Variants in SEPTIN11 observed in about 807,000 individuals in gnomAD.
The protein encoded by SEPTIN11 is septin-11.
In SEPTIN11, 25 loss-of-function variants were observed where a neutral mutation model predicts 51.4. That is an observed-to-expected ratio of 0.49 (90% CI 0.35 to 0.68). SEPTIN11 has a LOEUF of 0.68. Ranked by LOEUF, SEPTIN11 falls within the 30% of genes least tolerant of loss-of-function variation. The pLI, the probability that SEPTIN11 is intolerant of heterozygous loss-of-function variation, is 0.00. For synonymous variants in SEPTIN11, 174 were observed against 184.1 expected (o/e 0.95, Z 0.44); for missense variants, 381 against 520.8 (o/e 0.73, Z 2.61).
In SEPTIN11 at chr4:77,037,284, C is replaced by G. The variant is rs955895612; in HGVS notation, c.*2772C>G. The G allele has an allele frequency of 3.8e-5, 29 of 762,554 alleles. 1 individual carries two copies. The highest frequency in any genetic ancestry group is 4.6e-5 in the Non-Finnish European group (29 of 626,832). The allele number at this position is 762,554 out of a possible 1,614,324, so 47.2% of individuals were successfully genotyped here. A position where few individuals can be genotyped will look rare whatever the true frequency, so the allele number is the denominator to read the frequency against. On this transcript the variant is annotated 3_prime_UTR_variant, in exon 10 of 10. Coordinates refer to ENST00000264893, the MANE Select transcript of SEPTIN11 (RefSeq NM_018243.4). Reference sequence around the variant, plus strand: ...GGCTAAGTCAGGAGAATTGCTTGAACTTGGGAGATGGAGGTTGCAGTGAGC... The same window carrying G: ...GGCTAAGTCAGGAGAATTGCTTGAAGTTGGGAGATGGAGGTTGCAGTGAGC...
downstream of SEPTIN11, chr4:77,039,184 A>T (rs1727229047): frequency 2.4e-6 from 3 of 1,268,102 alleles, no homozygotes; most frequent in East Asian, 1.7e-4. Flanking sequence ...GAGTTACCTC[A>T]TTTCCACCAT....
chr4:77,012,678 A>G (rs1271700496), intron 4 of SEPTIN11, among the ~76,000 whole-genome samples: 1 of 152,186 alleles, frequency 6.6e-6, no homozygotes, highest in East Asian at 1.9e-4. Flanking sequence ...TGTTACTATG[A>G]TTTTATCTAA....
chr4:77,017,273 T>G (rs1725370109), intron 5 of SEPTIN11, among the ~76,000 whole-genome samples: 1 of 152,212 alleles, frequency 6.6e-6, no homozygotes, highest in African/African-American at 2.4e-5. Context: ...CTTTATCAGA[T>G]TAATAGAACT....
Position 77,037,833 on chromosome 4 carries a change from A to G in SEPTIN11, c.*3321A>G. ...TTTCTCCAAAAAGGGCATTTCAACAATGGGAATTATTTAATGTAACAGTGG... is the reference window on the plus strand; with the variant it reads ...TTTCTCCAAAAAGGGCATTTCAACAGTGGGAATTATTTAATGTAACAGTGG... On this transcript the variant is annotated 3_prime_UTR_variant, in exon 10 of 10. Transcript: ENST00000264893. 1 of 985,854 alleles carries G rather than the reference A, an allele frequency of 1.0e-6. No homozygotes were observed. The highest frequency in any genetic ancestry group is 1.2e-6 in the Non-Finnish European group (1 of 829,930). 61.1% of individuals were successfully genotyped at this position (985,854 alleles called of 1,614,324 possible). A position where few individuals can be genotyped will look rare whatever the true frequency, so the allele number is the denominator to read the frequency against.
At chr4:76,982,455 C>T (rs977082348) in intron 1 of SEPTIN11, among the ~76,000 whole-genome samples, 9 of 152,204 alleles carry the variant, frequency 5.9e-5, no homozygotes, top group African/African-American at 1.9e-4. Context: ...TAGTGATTGC[C>T]TGCCTCAGCC....
chr4:76,994,459 G>A (rs1170972698), intron 1 of SEPTIN11, among the ~76,000 whole-genome samples: 3 of 152,224 alleles, frequency 2.0e-5, no homozygotes, highest in Admixed American at 6.5e-5. Context: ...GCCTGCCCTC[G>A]AAGCTGTTTG....
chr4:76,951,240 T>C (rs1389171670), intron 1 of SEPTIN11, among the ~76,000 whole-genome samples: 1 of 152,194 alleles, frequency 6.6e-6, no homozygotes, highest in East Asian at 1.9e-4. Flanking sequence ...GGATTCTAAT[T>C]CGATTTGGTG....
At chr4:76,997,294 A>G (rs759482102) in intron 2 of SEPTIN11, among the ~76,000 whole-genome samples, 2 of 152,146 alleles carry the variant, frequency 1.3e-5, no homozygotes, top group Admixed American at 6.5e-5. Flanking sequence ...GAGACAGATC[A>G]AAGAATTCTG....
intron 1 of SEPTIN11, among the ~76,000 whole-genome samples, chr4:76,964,258 C>T (rs926003435): frequency 5.3e-5 from 8 of 151,306 alleles, no homozygotes; most frequent in East Asian, 3.9e-4. Context: ...TGAACCCTTC[C>T]GTCCCATCAC....
Position 76,983,163 on chromosome 4 carries a change from G to A in SEPTIN11, c.28-13262G>A, listed in dbSNP as rs151310697. ...ACAGGTAGGTTATGGCACAGCTGTCGTTTAGAAATGGAGATTGACCTGGGT... is the reference window on the plus strand; with the variant it reads ...ACAGGTAGGTTATGGCACAGCTGTCATTTAGAAATGGAGATTGACCTGGGT... On this transcript the variant is annotated intron_variant, in intron 1 of 9. Transcript: ENST00000264893. Among the ~76,000 whole-genome samples, 1,483 of 152,208 alleles carry A rather than the reference G, an allele frequency of 9.7e-3. 10 individuals are homozygous for A. Among genetic ancestry groups the A allele is most frequent in the Middle Eastern group, 0.017 (5 of 294 alleles).
intron 1 of SEPTIN11, among the ~76,000 whole-genome samples, chr4:76,965,960 T>C (rs1722018478): frequency 6.6e-6 from 1 of 152,200 alleles, no homozygotes; most frequent in Admixed American, 6.5e-5. Flanking sequence ...TATATTGAAA[T>C]TTTCACCAAC....
intron 1 of SEPTIN11, among the ~76,000 whole-genome samples, chr4:76,966,758 G>A (rs1415705949): frequency 6.6e-6 from 1 of 152,048 alleles, no homozygotes; most frequent in East Asian, 1.9e-4. Flanking sequence ...CAGCTACTCC[G>A]GTGGCTGAGG....
intron 1 of SEPTIN11, among the ~76,000 whole-genome samples, chr4:76,958,552 G>A (rs886502526): frequency 2.0e-5 from 3 of 152,180 alleles, no homozygotes; most frequent in African/African-American, 2.4e-5. Flanking sequence ...AGATGAAAAC[G>A]CCTTGTTTAC....
rs1019181277 is a variant in SEPTIN11, at chr4:77,036,854, G to A, written c.*2342G>A. ...CCTTTGCATGTAAGTACGGTAGTAA[G>A]AAACCTTTGAGATCTTTCTGACTTT... On this transcript the variant is annotated 3_prime_UTR_variant, in exon 10 of 10. Coordinates refer to ENST00000264893, the MANE Select transcript of SEPTIN11 (RefSeq NM_018243.4). The A allele has an allele frequency of 8.5e-5, 125 of 1,463,564 alleles. No homozygotes were observed. The highest frequency in any genetic ancestry group is 2.8e-5 in the Admixed American group (1 of 36,148). The allele number at this position is 1,463,564 out of a possible 1,614,324, so 90.7% of individuals were successfully genotyped here.
chr4:76,949,945 C>T lies in SEPTIN11; in HGVS notation c.27+15C>T, dbSNP rs757824380. On this transcript the variant is annotated intron_variant, in intron 1 of 9. Coordinates refer to ENST00000264893, the MANE Select transcript of SEPTIN11 (RefSeq NM_018243.4). ...GGAGACCGTCTGTGAGTGCTGGGGC[C>T]TCGCCTGCTGCTCCTCGGGCGCCGG... is the stretch of plus-strand genomic sequence containing the variant. 5 of 1,477,998 alleles carry T rather than the reference C, an allele frequency of 3.4e-6. No homozygotes were observed. Among genetic ancestry groups the T allele is most frequent in the Non-Finnish European group, 3.6e-6 (4 of 1,120,464 alleles). 91.6% of individuals were successfully genotyped at this position (1,477,998 alleles called of 1,614,324 possible).
intron 1 of SEPTIN11, chr4:76,972,437 A>G (rs1272803188): frequency 6.6e-5 from 10 of 152,258 alleles, no homozygotes; most frequent in Non-Finnish European, 4.4e-5. Flanking sequence ...TCATTCACCC[A>G]GTGGGAGAAG....
At position 77,036,025 on chromosome 4, in the gene SEPTIN11, TC is replaced by T. The variant is rs1726999704; in HGVS notation, c.*1514del. ...GCTGCGTCTCCCCTGACACACACTT[TC>T]TTTTTTGAATGAGCAAGTCTCCATT... On this transcript the variant is annotated 3_prime_UTR_variant, in exon 10 of 10. Coordinates refer to ENST00000264893, the MANE Select transcript of SEPTIN11 (RefSeq NM_018243.4). 1.0e-6 allele frequency: 1 copy of T among 985,848 alleles called. No homozygotes were observed. The highest frequency in any genetic ancestry group is 4.7e-5 in the South Asian group (1 of 21,294). The allele number at this position is 985,848 out of a possible 1,614,324, so 61.1% of individuals were successfully genotyped here.
At position 77,037,203 on chromosome 4, in the gene SEPTIN11, A is replaced by G. The variant is rs542784966; in HGVS notation, c.*2691A>G. Reference sequence around the variant, plus strand: ...ACGGTGAAACCCCGTCTCTACAAAAAATACAAAAATTAGCCAGGCGTGGTG... The same window carrying G: ...ACGGTGAAACCCCGTCTCTACAAAAGATACAAAAATTAGCCAGGCGTGGTG... On this transcript the variant is annotated 3_prime_UTR_variant, in exon 10 of 10. Transcript: ENST00000264893. 536 of 616,840 alleles carry G rather than the reference A, an allele frequency of 8.7e-4. No individual in the cohort carries two copies. In the Middle Eastern group the frequency reaches 9.0e-3, roughly 10 times the overall value. 38.2% of individuals were successfully genotyped at this position (616,840 alleles called of 1,614,324 possible). A position where few individuals can be genotyped will look rare whatever the true frequency, so the allele number is the denominator to read the frequency against.
In SEPTIN11 at chr4:77,024,396, G is replaced by C. The variant is rs566493172; in HGVS notation, c.953+3726G>C. ...TTGAAACTCATGCGTCTACCACCCAGAGCACCCATGCTTCCCTGGACCCAG... is the reference window on the plus strand; with the variant it reads ...TTGAAACTCATGCGTCTACCACCCACAGCACCCATGCTTCCCTGGACCCAG... On this transcript the variant is annotated intron_variant, in intron 7 of 9. Transcript: ENST00000264893. This position sits in a 1 kb window ranked among gnomAD's most constrained non-coding sequence, Gnocchi z 4.2. Among the ~76,000 whole-genome samples, 1 of 152,156 alleles carries C rather than the reference G, an allele frequency of 6.6e-6. No individual in the cohort carries two copies. Among genetic ancestry groups the C allele is most frequent in the African/African-American group, 2.4e-5 (1 of 41,500 alleles).
Sources: allele counts gnomAD v4.1 joint callset (sites outside exome capture counted in the v4.1 genomes callset), GRCh38; gene constraint gnomAD v4.1.1; non-coding constraint Gnocchi (gnomAD v3.1); transcripts MANE v1.5; gene names NCBI Gene and HGNC (gene_info 2026-07-23, HGNC 2026-07-21).